The following TIMP2 variants were observed in gnomAD, a reference collection of about 807,000 sequenced individuals.
TIMP2 encodes the protein TIMP metallopeptidase inhibitor 2, also known as metalloproteinase inhibitor 2.
Under a neutral mutation model 24.3 loss-of-function variants are expected in TIMP2, and 5 were observed. That is an observed-to-expected ratio of 0.21 (90% CI 0.11 to 0.43). The LOEUF (loss-of-function observed/expected upper bound fraction) is 0.43. TIMP2 is among the 20% of genes least tolerant of loss of function. The probability of loss-of-function intolerance (pLI) is 1.00; values close to 1 mark genes in which losing one functional copy is unlikely to be tolerated. For missense variants in TIMP2, 221 were observed against 297.5 expected, an observed-to-expected ratio of 0.74 and a Z score of 1.89; for synonymous variants, 130 against 123.2, an observed-to-expected ratio of 1.06 and a Z score of -0.37.
Position 78,891,319 on chromosome 17 carries a change from C to T in TIMP2, c.131-17400G>A. 6.4e-7 allele frequency: 1 copy of T among 1,550,414 alleles called. No homozygotes were observed. Among genetic ancestry groups the T allele is most frequent in the East Asian group, 2.4e-5 (1 of 40,914 alleles). On this transcript the variant is annotated intron_variant, in intron 1 of 4. Coordinates refer to ENST00000262768, the MANE Select transcript of TIMP2 (RefSeq NM_003255.5). The surrounding 1 kb of genome is among the most constrained non-coding windows in gnomAD (Gnocchi z 4.5). Reference sequence around the variant, plus strand: ...CGGCAGGCAGCATCTCTGGGTCTGCCATTTTCTTCCCTCTTGGGGTCCCAG... The same window carrying T: ...CGGCAGGCAGCATCTCTGGGTCTGCTATTTTCTTCCCTCTTGGGGTCCCAG...
At chr17:78,860,632 G>C (rs775592468) in intron 3 of TIMP2, among the ~76,000 whole-genome samples, 1 of 152,184 alleles carries the variant, frequency 6.6e-6, no homozygotes, top group Non-Finnish European at 1.5e-5. Context: ...TCTCCGTTTA[G>C]ACTTATGTGA....
At position 78,925,164 on chromosome 17, in the gene TIMP2, C is replaced by T. The variant is rs1320208234; in HGVS notation, c.-76G>A. On this transcript the variant is annotated 5_prime_UTR_variant, in exon 1 of 5. Transcript: ENST00000262768. ...GCTGCTCGCGGCGGCGGGCTGGGGG[C>T]GCGGGCGGGGGCTGAGCCGGGGCCG... 223 of 531,980 alleles carry T rather than the reference C, an allele frequency of 4.2e-4. No individual in the cohort carries two copies. Among genetic ancestry groups the T allele is most frequent in the Non-Finnish European group, 4.8e-4 (200 of 420,694 alleles). 33.0% of individuals were successfully genotyped at this position (531,980 alleles called of 1,614,324 possible). A position where few individuals can be genotyped will look rare whatever the true frequency, so the allele number is the denominator to read the frequency against.
chr17:78,870,843 A>T, intron 3 of TIMP2, 55 bp downstream of exon 3: 1 of 1,510,448 alleles, frequency 6.6e-7, no homozygotes, highest in Non-Finnish European at 9.1e-7. Context: ...GACCGCGTCT[A>T]GGAACAGCCC....
intron 1 of TIMP2, chr17:78,892,050 A>C: frequency 6.4e-7 from 1 of 1,551,120 alleles, no homozygotes; most frequent in Non-Finnish European, 8.7e-7. Flanking sequence ...GGCCCCTGCG[A>C]GTCAGGCTCA....
intron 3 of TIMP2, among the ~76,000 whole-genome samples, chr17:78,869,454 G>T (rs528353084): frequency 6.6e-6 from 1 of 150,914 alleles, no homozygotes; most frequent in Admixed American, 6.6e-5. Flanking sequence ...TAAACAAAGA[G>T]ATGCAACAAT....
chr17:78,924,749 G>C lies in TIMP2; in HGVS notation c.130+210C>G, dbSNP rs555270481. On this transcript the variant is annotated intron_variant, in intron 1 of 4. Coordinates refer to ENST00000262768, the MANE Select transcript of TIMP2 (RefSeq NM_003255.5). The surrounding 1 kb of genome is among the most constrained non-coding windows in gnomAD (Gnocchi z 5.3). ...GAATTTTGAGGTTGAGACGCATCTC[G>C]GCAAAGAGAGGGAAAGAAAGGGAGA... Among the ~76,000 whole-genome samples, 442 of 152,164 alleles carry C rather than the reference G, an allele frequency of 2.9e-3. 1 individual carries two copies. Among genetic ancestry groups the C allele is most frequent in the Non-Finnish European group, 5.1e-3 (348 of 67,992 alleles).
intron 1 of TIMP2, among the ~76,000 whole-genome samples, chr17:78,876,384 C>T (rs2069728498): frequency 2.0e-5 from 3 of 152,102 alleles, no homozygotes; most frequent in South Asian, 4.1e-4. Flanking sequence ...GAGTCTTGCT[C>T]TGTCATCCCC....
Position 78,854,921 on chromosome 17 carries a change from C to CGGGGGGGGGGGGGGGGGGGGG in TIMP2, c.*745_*746insCCCCCCCCCCCCCCCCCCCCC, listed in dbSNP as rs71161632. 7 of 39,094 alleles carry CGGGGGGGGGGGGGGGGGGGGG rather than the reference C, an allele frequency of 1.8e-4. No homozygotes were observed. Among genetic ancestry groups the CGGGGGGGGGGGGGGGGGGGGG allele is most frequent in the Non-Finnish European group, 2.1e-4 (4 of 19,170 alleles). 2.4% of individuals were successfully genotyped at this position (39,094 alleles called of 1,614,324 possible). On this transcript the variant is annotated 3_prime_UTR_variant, in exon 5 of 5. Coordinates refer to ENST00000262768, the MANE Select transcript of TIMP2 (RefSeq NM_003255.5). ...TCCTGCAAGCTGGGGAGCATGTGGG[C>CGGGGGGGGGGGGGGGGGGGGG]GGGGGGGGGGGGGTGGGGGGGTGGG...
At chr17:78,918,078 A>ACACACACACACGCG (rs1555652978) in intron 1 of TIMP2, among the ~76,000 whole-genome samples, 3,240 of 149,218 alleles carry the variant, frequency 0.022, 122 homozygotes, top group African/African-American at 0.073. Flanking sequence ...ACACACACAC[A>ACACACACACACGCG]CACACACACA....
At chr17:78,909,273 T>C (rs1236712392) in intron 1 of TIMP2, among the ~76,000 whole-genome samples, 1 of 151,948 alleles carries the variant, frequency 6.6e-6, no homozygotes, top group African/African-American at 2.4e-5. Flanking sequence ...GAGGACTGCT[T>C]GAGCCCAGGT....
chr17:78,867,429 A>G (rs1395426391), intron 3 of TIMP2, among the ~76,000 whole-genome samples: 1 of 151,996 alleles, frequency 6.6e-6, no homozygotes, highest in African/African-American at 2.4e-5. Flanking sequence ...GGAAGATCTT[A>G]CCCAAGGGGA....
chr17:78,874,173 G>A (rs989278584), intron 1 of TIMP2: 1 of 474,740 alleles, frequency 2.1e-6, no homozygotes. Flanking sequence ...GTTGACAGGG[G>A]CCCAAGCCAG....
At chr17:78,872,772 A>G (rs981431778) in intron 2 of TIMP2, among the ~76,000 whole-genome samples, 1 of 152,194 alleles carries the variant, frequency 6.6e-6, no homozygotes, top group African/African-American at 2.4e-5. Context: ...AAACTGACAT[A>G]CATGTGATGA....
intron 1 of TIMP2, among the ~76,000 whole-genome samples, chr17:78,919,671 A>T (rs1420778951): frequency 1.3e-5 from 2 of 152,148 alleles, no homozygotes; most frequent in African/African-American, 4.8e-5. Context: ...CGTCTCTAAT[A>T]AAAATTCAAA....
intron 4 of TIMP2, 144 bp downstream of exon 4, chr17:78,857,378 G>T: frequency 8.8e-7 from 1 of 1,136,238 alleles, no homozygotes. Flanking sequence ...CTTACTCTTG[G>T]GATGACTCTA....
rs1319564808 is a variant in TIMP2 at position 78,896,634 on chromosome 17, C to T, written c.131-22715G>A. Among the ~76,000 whole-genome samples, 4 of 152,230 alleles carry T rather than the reference C, an allele frequency of 2.6e-5. No homozygotes were observed. Among genetic ancestry groups the T allele is most frequent in the African/African-American group, 7.2e-5 (3 of 41,552 alleles). ...CTGCTGCCCTCTGGTCCTGCCACCC[C>T]GAGCTGACAAGCCTGCCTTCTGCTG... On this transcript the variant is annotated intron_variant, in intron 1 of 4. Coordinates refer to ENST00000262768, the MANE Select transcript of TIMP2 (RefSeq NM_003255.5). This position sits in a 1 kb window ranked among gnomAD's most constrained non-coding sequence, Gnocchi z 4.4.
intron 1 of TIMP2, among the ~76,000 whole-genome samples, chr17:78,894,006 T>C (rs910047804): frequency 1.8e-4 from 27 of 152,152 alleles, no homozygotes; most frequent in Non-Finnish European, 3.7e-4. Flanking sequence ...TTCATCTTAG[T>C]CTATGTGGAA....
intron 1 of TIMP2, chr17:78,892,497 G>T (rs776803281): frequency 6.6e-7 from 1 of 1,511,164 alleles, no homozygotes; most frequent in Non-Finnish European, 8.9e-7. Flanking sequence ...TTTCCAGATC[G>T]CTCCCAGGAG....
chr17:78,893,846 A>G (rs1264164011), intron 1 of TIMP2, among the ~76,000 whole-genome samples: 2 of 152,088 alleles, frequency 1.3e-5, no homozygotes, highest in East Asian at 3.9e-4. Context: ...CTTCCTAGGA[A>G]AGGAGGGGCA....
Sources: allele counts gnomAD v4.1 joint callset (sites outside exome capture counted in the v4.1 genomes callset), GRCh38; gene constraint gnomAD v4.1.1; non-coding constraint Gnocchi (gnomAD v3.1); transcripts MANE v1.5; gene names NCBI Gene and HGNC (gene_info 2026-07-23, HGNC 2026-07-21).